The following ZPBP variants were observed in gnomAD, a reference collection of about 807,000 sequenced individuals.
The protein encoded by ZPBP is zona pellucida-binding protein 1.
A neutral mutation model predicts 44.8 loss-of-function variants in ZPBP; 26 were observed. The ratio of observed to expected loss-of-function variants is 0.58; its 90% CI spans 0.43 to 0.81. The LOEUF is 0.81. Among genes scored for constraint, ZPBP ranks in the 30% least tolerant of loss-of-function variants. The pLI, the probability that ZPBP is intolerant of heterozygous loss-of-function variation, is 0.00. For missense variants in ZPBP, 409 were observed against 434.0 expected, an observed-to-expected ratio of 0.94 and a Z score of 0.51; for synonymous variants, 174 against 153.2, an observed-to-expected ratio of 1.14 and a Z score of -1.00.
At chr7:49,967,366 A>C (rs1464208602) in intron 7 of ZPBP, among the ~76,000 whole-genome samples, 2 of 152,124 alleles carry the variant, frequency 1.3e-5, no homozygotes, top group Non-Finnish European at 2.9e-5. Context: ...GTTTTCTAGG[A>C]TCATATATCC....
chr7:50,090,407 G>A (rs1364809188), intron 1 of ZPBP, among the ~76,000 whole-genome samples: 1 of 151,748 alleles, frequency 6.6e-6, no homozygotes, highest in Non-Finnish European at 1.5e-5. Flanking sequence ...ATCCCATCCA[G>A]GTTGCTGCAA....
At chr7:49,872,556 A>C (rs1490138824) in intron 2 of ZPBP, among the ~76,000 whole-genome samples, 1 of 152,046 alleles carries the variant, frequency 6.6e-6, no homozygotes, top group African/African-American at 2.4e-5. Context: ...AAAAAATACA[A>C]AACAGGAAAA....
intron 7 of ZPBP, chr7:49,943,177 T>A: frequency 6.3e-6 from 2 of 317,998 alleles, no homozygotes; most frequent in Non-Finnish European, 1.2e-5. Flanking sequence ...AGCTTCTCAA[T>A]AAAGTCCTCA....
intron 4 of ZPBP, among the ~76,000 whole-genome samples, chr7:50,035,380 T>C (rs1799783758): frequency 6.6e-6 from 1 of 152,244 alleles, no homozygotes; most frequent in Admixed American, 6.5e-5. Context: ...CCTTGCTTTC[T>C]ACTAAATAGG....
intron 2 of ZPBP, among the ~76,000 whole-genome samples, chr7:49,852,758 C>T (rs1327855971): frequency 6.6e-6 from 1 of 152,146 alleles, no homozygotes; most frequent in Non-Finnish European, 1.5e-5. Flanking sequence ...TCAACTTCTT[C>T]CAAACCCTGG....
rs73349133 is a variant in ZPBP, at chr7:49,950,880, T to C, written c.962-13258A>G. 4.5e-3 allele frequency among the ~76,000 whole-genome samples: 691 copies of C among 151,902 alleles called. 6 individuals are homozygous for C. The highest frequency in any genetic ancestry group is 0.016 in the African/African-American group (666 of 41,544). ...TACAAAGCTACAATAATCAAAACAG[T>C]GTGGTACTAACATAAGGAAATGCCT... On this transcript the variant is annotated intron_variant, in intron 7 of 7. Coordinates refer to ENST00000046087, the MANE Select transcript of ZPBP (RefSeq NM_007009.3).
At chr7:50,004,062 T>A (rs1798202993) in intron 6 of ZPBP, among the ~76,000 whole-genome samples, 1 of 152,056 alleles carries the variant, frequency 6.6e-6, no homozygotes, top group South Asian at 2.1e-4. Context: ...GGTGAAGCAC[T>A]TTTCTGGGTG....
At chr7:50,079,581 T>C (rs1802264790) in intron 3 of ZPBP, among the ~76,000 whole-genome samples, 1 of 151,536 alleles carries the variant, frequency 6.6e-6, no homozygotes. Flanking sequence ...TGGTTCTTGG[T>C]CCAAGAGTAT....
chr7:49,877,755 C>A (rs1791502312), intron 2 of ZPBP, among the ~76,000 whole-genome samples: 1 of 150,668 alleles, frequency 6.6e-6, no homozygotes, highest in Admixed American at 6.6e-5. Flanking sequence ...CAGGTGTCAG[C>A]TGCTTTTATC....
At chr7:50,059,320 C>A (rs1345747429) in intron 3 of ZPBP, among the ~76,000 whole-genome samples, 1 of 152,116 alleles carries the variant, frequency 6.6e-6, no homozygotes, top group African/African-American at 2.4e-5. Context: ...CTAGTACATG[C>A]AAGCCCTGCT....
At chr7:49,841,915 G>T in the ZPBP span, among the ~76,000 whole-genome samples, 1 of 151,848 alleles carries the variant, frequency 6.6e-6, no homozygotes, top group African/African-American at 2.4e-5. Flanking sequence ...TGCCCAGACT[G>T]CAGTGCAATG....
In ZPBP at chr7:50,031,148, T is replaced by C. The variant is rs756288523; in HGVS notation, c.650A>G (p.His217Arg). Residue 217 changes from histidine to arginine, a missense_variant, in exon 5 of 8, where the codon CAT becomes CGT. His to Arg is a conservative substitution (Grantham distance 29). Transcript: ENST00000046087. ...CEISLLKSEC[H>R]RVKMQRAGLQ... ...ACCAGCTCTTTGCATTTTAACGCGA[T>C]GGCATTCAGACTTAAGTAAGGAAAT... The C allele has an allele frequency of 1.2e-6, 2 of 1,613,700 alleles. No homozygotes were observed. Among genetic ancestry groups the C allele is most frequent in the Admixed American group, 1.7e-5 (1 of 59,984 alleles).
chr7:50,013,428 T>A (rs766670232), intron 6 of ZPBP, among the ~76,000 whole-genome samples: 73 of 152,076 alleles, frequency 4.8e-4, no homozygotes, highest in South Asian at 6.2e-4. Flanking sequence ...TACACAAATA[T>A]AAATATATTG....
chr7:50,090,651 A>G (rs71538365), intron 1 of ZPBP, among the ~76,000 whole-genome samples: 68,115 of 151,158 alleles, frequency 0.45, 15,785 homozygotes, highest in East Asian at 0.73. Flanking sequence ...ACACATGCAC[A>G]CACACACACA....
rs908445520 is a variant in ZPBP, at chr7:49,979,608, T to C, written c.961+3734A>G. 2.6e-5 allele frequency among the ~76,000 whole-genome samples: 4 copies of C among 151,462 alleles called. No individual in the cohort carries two copies. In the Admixed American group the frequency reaches 2.6e-4, roughly 10 times the overall value. The stretch of plus-strand genomic sequence containing the variant: ...TTTTTAATGATAAAATTATGTGTAA[T>C]TCTGACATTCAAAACTACTACTTCA... On this transcript the variant is annotated intron_variant, in intron 7 of 7. Coordinates refer to ENST00000046087, the MANE Select transcript of ZPBP (RefSeq NM_007009.3).
At chr7:49,912,230 C>T (rs745531924) in intron 1 of ZPBP, 19 of 1,606,326 alleles carry the variant, frequency 1.2e-5, no homozygotes, top group Non-Finnish European at 1.6e-5. Flanking sequence ...GAACATTTTA[C>T]TGATGTGAAC....
intron 4 of ZPBP, among the ~76,000 whole-genome samples, chr7:50,051,629 A>C (rs773343824): frequency 7.9e-5 from 12 of 152,222 alleles, no homozygotes; most frequent in Non-Finnish European, 1.6e-4. Flanking sequence ...CTATGCAGCC[A>C]TAAAAAGGAA....
intron 5 of ZPBP, among the ~76,000 whole-genome samples, chr7:50,027,450 A>T (rs1377375716): frequency 6.6e-6 from 1 of 152,082 alleles, no homozygotes; most frequent in Non-Finnish European, 1.5e-5. Context: ...CCTACCAAAA[A>T]GTATGGGTTG....
chr7:50,006,613 A>C (rs1798323373), intron 6 of ZPBP, among the ~76,000 whole-genome samples: 1 of 152,076 alleles, frequency 6.6e-6, no homozygotes, highest in Non-Finnish European at 1.5e-5. Context: ...AGGAATAAAC[A>C]TTTCAAATCA....
Sources: gnomAD v4.1 joint callset for allele counts (sites outside exome capture counted in the v4.1 genomes callset) on GRCh38, gnomAD v4.1.1 for gene constraint, MANE v1.5 for transcripts, NCBI Gene and HGNC (gene_info 2026-07-23, HGNC 2026-07-21) for gene names.